The following LINGO2 variants were observed in gnomAD, a reference collection of about 807,000 sequenced individuals.
LINGO2 encodes leucine rich repeat and Ig domain containing 2, also known as leucine-rich repeat and immunoglobulin-like domain-containing nogo receptor-interacting protein 2.
A neutral mutation model predicts 30.6 loss-of-function variants in LINGO2; 14 were observed. The ratio of observed to expected loss-of-function variants is 0.46; its 90% CI spans 0.30 to 0.72. The LOEUF (loss-of-function observed/expected upper bound fraction) is 0.72. LINGO2 is among the 30% of genes least tolerant of loss of function. The pLI is 0.07. For synonymous variants in LINGO2, 317 were observed against 288.5 expected (o/e 1.10, Z -1.00); for missense variants, 729 against 751.7 (o/e 0.97, Z 0.35).
chr9:28,551,927 C>A lies in LINGO2; in HGVS notation c.-364-75902G>T, dbSNP rs148411076. Among the ~76,000 whole-genome samples the A allele has an allele frequency of 7.8e-4, 118 of 152,102 alleles. 1 individual carries two copies. In the East Asian group the frequency reaches 0.017, roughly 21 times the overall value. ...TGATATAAGCACTATTTACAGGATACACATGTCAGACATTACTTCTACTCT... is the reference window on the plus strand; with the variant it reads ...TGATATAAGCACTATTTACAGGATAAACATGTCAGACATTACTTCTACTCT... On this transcript the variant is annotated intron_variant, in intron 1 of 5. Coordinates refer to ENST00000379992, the Ensembl canonical transcript of LINGO2.
the LINGO2 span, among the ~76,000 whole-genome samples, chr9:28,986,515 T>C: frequency 1.3e-5 from 2 of 152,044 alleles, no homozygotes; most frequent in African/African-American, 2.4e-5. Flanking sequence ...ACACAAACCA[T>C]CTTTCCATTT....
the LINGO2 span, among the ~76,000 whole-genome samples, chr9:28,726,472 A>T: frequency 6.6e-6 from 1 of 152,226 alleles, no homozygotes; most frequent in African/African-American, 2.4e-5. Flanking sequence ...GTATATAAAT[A>T]TGAAGAAAAA....
rs149939583 is a variant in LINGO2 at position 28,402,300 on chromosome 9, CT to C, written c.-278-29433del. ...ATTTCCTCTCTCTTTTCTTTCCCCC[CT>C]ATTTGTTGAAAAAAGTGTTAGTATG... On this transcript the variant is annotated intron_variant, in intron 2 of 5. Transcript: ENST00000379992. 9.1e-3 allele frequency among the ~76,000 whole-genome samples: 1,390 copies of C among 152,070 alleles called. 21 individuals are homozygous for C. The highest frequency in any genetic ancestry group is 0.031 in the African/African-American group (1,301 of 41,494).
chr9:28,790,744 T>C, the LINGO2 span, among the ~76,000 whole-genome samples: 2 of 152,200 alleles, frequency 1.3e-5, no homozygotes, highest in East Asian at 1.9e-4. Context: ...TATTATAGTA[T>C]ATTGTTATAA....
chr9:29,179,624 T>C, the LINGO2 span, among the ~76,000 whole-genome samples: 1 of 152,068 alleles, frequency 6.6e-6, no homozygotes, highest in Admixed American at 6.5e-5. Context: ...AGGCTGGTCT[T>C]GAACTCCTGA....
At chr9:28,449,555 AT>A (rs1482337762) in intron 2 of LINGO2, among the ~76,000 whole-genome samples, 9 of 152,106 alleles carry the variant, frequency 5.9e-5, no homozygotes, top group African/African-American at 2.2e-4. Context: ...TACTACCTCA[AT>A]ACCCAACAAG....
At chr9:28,288,955 G>T (rs1823619720) in intron 4 of LINGO2, among the ~76,000 whole-genome samples, 1 of 152,104 alleles carries the variant, frequency 6.6e-6, no homozygotes, top group Non-Finnish European at 1.5e-5. Flanking sequence ...TTTATATCCT[G>T]TCTTTATAGC....
intron 4 of LINGO2, among the ~76,000 whole-genome samples, chr9:28,211,912 T>C (rs1306033191): frequency 6.6e-6 from 1 of 151,430 alleles, no homozygotes; most frequent in Non-Finnish European, 1.5e-5. Flanking sequence ...TATTCTGCTT[T>C]GCATTCTCAT....
rs772157537 is a variant in LINGO2 at position 28,561,749 on chromosome 9, G to GTGTATATATATATA, written c.-364-85725_-364-85724insTATATATATATACA. ...TATATATAATTTTGTGTGTGTGTGT[G>GTGTATATATATATA]TATATATATATATATATATATATAT... On this transcript the variant is annotated intron_variant, in intron 1 of 5. Transcript: ENST00000379992. Among the ~76,000 whole-genome samples the GTGTATATATATATA allele has an allele frequency of 1.2e-4, 6 of 48,718 alleles. 1 individual carries two copies. Among genetic ancestry groups the GTGTATATATATATA allele is most frequent in the Non-Finnish European group, 1.8e-4 (5 of 27,672 alleles). The allele number at this position is 48,718 out of a possible 152,430, so 32.0% of individuals were successfully genotyped here. A position where few individuals can be genotyped will look rare whatever the true frequency, so the allele number is the denominator to read the frequency against.
the LINGO2 span, among the ~76,000 whole-genome samples, chr9:28,955,174 T>TAGAG: frequency 6.6e-6 from 1 of 151,090 alleles, no homozygotes; most frequent in South Asian, 2.1e-4. Flanking sequence ...AGAGTCGAAA[T>TAGAG]AGAGAGAGAG....
chr9:28,758,221 C>T, the LINGO2 span, among the ~76,000 whole-genome samples: 1 of 152,046 alleles, frequency 6.6e-6, no homozygotes, highest in Non-Finnish European at 1.5e-5. Flanking sequence ...AACTCCTGTA[C>T]TTTGCAGACA....
At chr9:28,757,622 C>T in the LINGO2 span, among the ~76,000 whole-genome samples, 22 of 151,956 alleles carry the variant, frequency 1.4e-4, no homozygotes, top group Admixed American at 1.0e-3. Context: ...TTTTTCTCCA[C>T]GAACAACTGA....
intron 1 of LINGO2, among the ~76,000 whole-genome samples, chr9:28,661,675 T>A (rs1343292717): frequency 6.6e-6 from 1 of 152,160 alleles, no homozygotes; most frequent in Non-Finnish European, 1.5e-5. Flanking sequence ...GTCCCCATTT[T>A]GAAAAATTTG....
At chr9:28,186,011 G>A (rs187829121) in intron 4 of LINGO2, among the ~76,000 whole-genome samples, 33 of 152,258 alleles carry the variant, frequency 2.2e-4, no homozygotes, top group African/African-American at 7.7e-4. Flanking sequence ...TATTATGAGA[G>A]ACGCTCAATC....
the LINGO2 span, among the ~76,000 whole-genome samples, chr9:28,866,799 T>C: frequency 6.6e-6 from 1 of 152,188 alleles, no homozygotes; most frequent in East Asian, 1.9e-4. Context: ...GGAGAATTCT[T>C]TTTAATTGGG....
In LINGO2 at chr9:28,594,094, T is replaced by A. The variant is rs147917633; in HGVS notation, c.-365+76106A>T. Among the ~76,000 whole-genome samples, 91 of 152,156 alleles carry A rather than the reference T, an allele frequency of 6.0e-4. 1 individual carries two copies. The highest frequency in any genetic ancestry group is 2.1e-3 in the African/African-American group (87 of 41,564). ...CCGTGTTATAATATTACAGTGATGATACCTATAGTTAGAAGTGAAATGGCG... is the reference window on the plus strand; with the variant it reads ...CCGTGTTATAATATTACAGTGATGAAACCTATAGTTAGAAGTGAAATGGCG... On this transcript the variant is annotated intron_variant, in intron 1 of 5. Coordinates refer to ENST00000379992, the Ensembl canonical transcript of LINGO2.
chr9:28,857,299 A>G, the LINGO2 span, among the ~76,000 whole-genome samples: 1 of 152,236 alleles, frequency 6.6e-6, no homozygotes, highest in African/African-American at 2.4e-5. Context: ...GCCACGTTAC[A>G]ACAACAAAAG....
At chr9:28,042,952 C>T (rs1587753055) in intron 4 of LINGO2, among the ~76,000 whole-genome samples, 2 of 152,138 alleles carry the variant, frequency 1.3e-5, no homozygotes, top group South Asian at 4.1e-4. Flanking sequence ...AGAAAAATCC[C>T]GTAAACATTT....
the LINGO2 span, among the ~76,000 whole-genome samples, chr9:29,149,180 A>G: frequency 6.6e-6 from 1 of 152,198 alleles, no homozygotes; most frequent in South Asian, 2.1e-4. Context: ...ATTCTGACCC[A>G]TAAGAAAAAT....
Sources: allele counts gnomAD v4.1 joint callset (sites outside exome capture counted in the v4.1 genomes callset), GRCh38; gene constraint gnomAD v4.1.1; transcripts MANE v1.5; gene names NCBI Gene and HGNC (gene_info 2026-07-23, HGNC 2026-07-21).